Variants in OMA1 observed in about 807,000 individuals in gnomAD.
OMA1 encodes metalloendopeptidase OMA1, mitochondrial.
A neutral mutation model predicts 30.9 loss-of-function variants in OMA1; 38 were observed. That is an observed-to-expected ratio of 1.23 (90% CI 0.95 to 1.61). The LOEUF (loss-of-function observed/expected upper bound fraction) is 1.61. Ranked by LOEUF, OMA1 falls within the 40% of genes most tolerant of loss-of-function variation. OMA1 has a pLI of 0.00. For missense variants in OMA1, 461 were observed against 349.2 expected (o/e 1.32, Z -2.55); for synonymous variants, 173 against 121.9 (o/e 1.42, Z -2.76).
chr1:58,531,149 T>C (rs967383809), intron 5 of OMA1, among the ~76,000 whole-genome samples: 1 of 152,156 alleles, frequency 6.6e-6, no homozygotes, highest in Admixed American at 6.5e-5. Flanking sequence ...TTTAATATAG[T>C]TGCATCATTT....
chr1:58,489,337 G>A (rs1170902220), intron 8 of OMA1, among the ~76,000 whole-genome samples: 10 of 152,336 alleles, frequency 6.6e-5, no homozygotes, highest in East Asian at 5.8e-4. Flanking sequence ...ACAGAGCCTC[G>A]CTCATTACTA....
At chr1:58,489,390 G>C (rs564401250) in intron 8 of OMA1, among the ~76,000 whole-genome samples, 2 of 152,226 alleles carry the variant, frequency 1.3e-5, no homozygotes, top group East Asian at 3.9e-4. Context: ...CAGCGAGGCT[G>C]GGGGAGGGGT....
chr1:58,546,380 G>A (rs1188206439), intron 1 of OMA1, among the ~76,000 whole-genome samples: 1 of 152,218 alleles, frequency 6.6e-6, no homozygotes, highest in Non-Finnish European at 1.5e-5. Flanking sequence ...GGGGAGGGCA[G>A]GCGGCCCACG....
chr1:58,526,959 G>A (rs961694369), intron 7 of OMA1, among the ~76,000 whole-genome samples: 12 of 151,926 alleles, frequency 7.9e-5, no homozygotes, highest in African/African-American at 2.9e-4. Context: ...ATTTATACAC[G>A]CAAAAAATTA....
intron 8 of OMA1, among the ~76,000 whole-genome samples, chr1:58,499,314 C>CAAAAAAAAAAAAAAAAAAAAAA (rs58217798): frequency 2.9e-5 from 2 of 69,742 alleles, no homozygotes; most frequent in Non-Finnish European, 2.8e-5. Flanking sequence ...CACATCTCTA[C>CAAAAAAAAAAAAAAAAAAAAAA]AAAAAAAAAA....
chr1:58,543,062 A>G (rs1646646704), intron 1 of OMA1, among the ~76,000 whole-genome samples: 1 of 152,138 alleles, frequency 6.6e-6, no homozygotes, highest in African/African-American at 2.4e-5. Flanking sequence ...GTGAGAGACC[A>G]CAAAGCCAGA....
intron 8 of OMA1, among the ~76,000 whole-genome samples, chr1:58,488,844 G>C (rs1645623055): frequency 6.6e-6 from 1 of 152,172 alleles, no homozygotes; most frequent in African/African-American, 2.4e-5. Context: ...CATCCTCATA[G>C]CTTAGCTCCC....
intron 8 of OMA1, among the ~76,000 whole-genome samples, chr1:58,504,236 C>A (rs1645951657): frequency 2.0e-5 from 3 of 152,190 alleles, no homozygotes; most frequent in Admixed American, 1.3e-4. Flanking sequence ...GTCTGGTCCC[C>A]TTTCACCTCA....
At chr1:58,483,112 T>A (rs779873707) in intron 8 of OMA1, among the ~76,000 whole-genome samples, 2 of 152,194 alleles carry the variant, frequency 1.3e-5, no homozygotes, top group Non-Finnish European at 2.9e-5. Context: ...TTTCAGAACA[T>A]GTAAGATTGC....
intron 5 of OMA1, among the ~76,000 whole-genome samples, chr1:58,531,009 C>A (rs1027667745): frequency 2.0e-5 from 3 of 152,088 alleles, no homozygotes; most frequent in African/African-American, 7.2e-5. Context: ...GCATAATAAT[C>A]TTGTGAAATA....
rs909924731 is a variant in OMA1 at position 58,539,382 on chromosome 1, T to A, written c.-16-72A>T. 7 of 678,072 alleles carry A rather than the reference T, an allele frequency of 1.0e-5. 1 individual carries two copies. Among genetic ancestry groups the A allele is most frequent in the Non-Finnish European group, 1.7e-5 (7 of 404,160 alleles). 42.0% of individuals were successfully genotyped at this position (678,072 alleles called of 1,614,324 possible). ...ACCAAACTGGGACTATAACACTTAT[T>A]AAATAGGCGTGTCAGTTGTTCTTCT... On this transcript the variant is annotated intron_variant, in intron 1 of 8. Coordinates refer to ENST00000371226, the MANE Select transcript of OMA1 (RefSeq NM_145243.5).
At chr1:58,515,282 A>T (rs1312846905) in intron 7 of OMA1, among the ~76,000 whole-genome samples, 1 of 152,230 alleles carries the variant, frequency 6.6e-6, no homozygotes, top group Non-Finnish European at 1.5e-5. Context: ...CCTCACACCA[A>T]GAGAAAACTT....
At chr1:58,500,448 C>T (rs1645888517) in intron 8 of OMA1, among the ~76,000 whole-genome samples, 1 of 152,054 alleles carries the variant, frequency 6.6e-6, no homozygotes. Flanking sequence ...TTACTTTGTC[C>T]AATTATAAAC....
chr1:58,490,567 A>G (rs1034366655), intron 8 of OMA1, among the ~76,000 whole-genome samples: 2 of 152,164 alleles, frequency 1.3e-5, no homozygotes, highest in African/African-American at 4.8e-5. Flanking sequence ...GCAGGCCAAC[A>G]TTCAAATTCA....
intron 7 of OMA1, among the ~76,000 whole-genome samples, chr1:58,513,167 C>T (rs996708560): frequency 3.9e-5 from 6 of 152,114 alleles, no homozygotes; most frequent in Admixed American, 2.0e-4. Context: ...ATGCTGTTCT[C>T]GTGATACTGA....
chr1:58,485,228 T>TTAAAAAAAAAA (rs533975015), intron 8 of OMA1, among the ~76,000 whole-genome samples: 2 of 42,038 alleles, frequency 4.8e-5, no homozygotes, highest in African/African-American at 9.7e-5. Context: ...AGTCTACTAC[T>TTAAAAAAAAAA]AAAAAAAAAA....
chr1:58,518,714 C>T lies in OMA1; in HGVS notation c.1215+8547G>A, dbSNP rs551055574. ...GTATATTCATTGGGAAAAGGGAGAC[C>T]AGAAGAAAAACACATGTAGGGAGAA... On this transcript the variant is annotated intron_variant, in intron 7 of 8. Coordinates refer to ENST00000371226, the MANE Select transcript of OMA1 (RefSeq NM_145243.5). Among the ~76,000 whole-genome samples the T allele has an allele frequency of 5.9e-5, 9 of 151,738 alleles. No individual in the cohort carries two copies. In the South Asian group the frequency reaches 1.9e-3, roughly 32 times the overall value.
rs74076269 is a variant in OMA1, at chr1:58,526,838, T to C, written c.1215+423A>G. 5.9e-3 allele frequency among the ~76,000 whole-genome samples: 894 copies of C among 152,170 alleles called. 12 individuals carry two copies. Among genetic ancestry groups the C allele is most frequent in the African/African-American group, 0.021 (867 of 41,524 alleles). ...GGAGTACTGGAGTAAAATAAAGAGA[T>C]AGCATTAGCTTTCCAGAGGGACAAA... On this transcript the variant is annotated intron_variant, in intron 7 of 8. Transcript: ENST00000371226.
intron 7 of OMA1, among the ~76,000 whole-genome samples, chr1:58,511,440 G>A (rs1247148818): frequency 6.6e-6 from 1 of 152,090 alleles, no homozygotes; most frequent in Non-Finnish European, 1.5e-5. Context: ...TTGAGACCAG[G>A]AGTCCAAGAC....
Sources: allele counts gnomAD v4.1 joint callset (sites outside exome capture counted in the v4.1 genomes callset), GRCh38; gene constraint gnomAD v4.1.1; transcripts MANE v1.5; gene names NCBI Gene and HGNC (gene_info 2026-07-23, HGNC 2026-07-21).